FAM78B: variants seen among roughly 807,000 people sequenced by gnomAD.
FAM78B encodes the protein family with sequence similarity 78 member B.
A neutral mutation model predicts 20.0 loss-of-function variants in FAM78B; 10 were observed. The ratio of observed to expected loss-of-function variants is 0.50; its 90% CI spans 0.31 to 0.85. FAM78B has a LOEUF of 0.85. Ranked by LOEUF, FAM78B falls within the 40% of genes least tolerant of loss-of-function variation. The probability of loss-of-function intolerance (pLI) is 0.05; values close to 1 mark genes in which losing one functional copy is unlikely to be tolerated. For missense variants in FAM78B, 283 were observed against 345.0 expected (o/e 0.82, Z 1.42); for synonymous variants, 135 against 132.8 (o/e 1.02, Z -0.12).
chr1:166,119,485 G>A lies in FAM78B; in HGVS notation c.263+46501C>T, dbSNP rs573792517. On this transcript the variant is annotated intron_variant, in intron 1 of 1. Transcript: ENST00000354422. ...AATCTGAGGCCCACATCGGGCCTCC[G>A]CTTTCTGTGTGGGAGATTTCCCAGA... 8.5e-5 allele frequency among the ~76,000 whole-genome samples: 13 copies of A among 152,276 alleles called. No homozygotes were observed. In the South Asian group the frequency reaches 2.7e-3, roughly 32 times the overall value.
At chr1:166,165,423 G>C (rs905686781) in intron 1 of FAM78B, among the ~76,000 whole-genome samples, 1 of 152,132 alleles carries the variant, frequency 6.6e-6, no homozygotes, top group Non-Finnish European at 1.5e-5. Flanking sequence ...GTTCCAGACG[G>C]AAACGCCTCC....
exon 3 of FAM78B, chr1:166,059,201 T>A (rs1651474770): frequency 6.5e-6 from 1 of 152,726 alleles, no homozygotes; most frequent in Non-Finnish European, 1.5e-5. Flanking sequence ...GCAGGCTGGA[T>A]GCAGGAACCA....
rs745591964 is a variant in FAM78B at position 166,060,497 on chromosome 1, C to T, written c.*576G>A. 1.1e-4 allele frequency: 89 copies of T among 825,156 alleles called. 1 individual carries two copies. Among genetic ancestry groups the T allele is most frequent in the South Asian group, 7.5e-4 (54 of 71,684 alleles). 51.1% of individuals were successfully genotyped at this position (825,156 alleles called of 1,614,324 possible). On this transcript the variant is annotated 3_prime_UTR_variant and NMD_transcript_variant, in exon 3 of 3. Transcript: ENST00000435676. ...GAGGGTGGGTAGGAGGGACTGGTCACGGGACGGGAGGAAGGCGAGGAGGTA... is the reference window on the plus strand; with the variant it reads ...GAGGGTGGGTAGGAGGGACTGGTCATGGGACGGGAGGAAGGCGAGGAGGTA...
At chr1:166,117,303 G>A (rs1654297842) in intron 1 of FAM78B, among the ~76,000 whole-genome samples, 1 of 152,086 alleles carries the variant, frequency 6.6e-6, no homozygotes, top group Non-Finnish European at 1.5e-5. Flanking sequence ...GTTTGCTGTT[G>A]CTGTAAATAC....
At chr1:166,112,960 T>G (rs1654113348) in intron 1 of FAM78B, among the ~76,000 whole-genome samples, 1 of 152,218 alleles carries the variant, frequency 6.6e-6, no homozygotes. Context: ...CCACTTAAAG[T>G]GCATTGTTCA....
At chr1:166,155,335 A>G (rs1044111221) in intron 1 of FAM78B, among the ~76,000 whole-genome samples, 3 of 152,216 alleles carry the variant, frequency 2.0e-5, no homozygotes, top group Non-Finnish European at 4.4e-5. Flanking sequence ...GGCACTACTT[A>G]GCTGAGTAAT....
intron 1 of FAM78B, among the ~76,000 whole-genome samples, chr1:166,105,578 G>T (rs548335042): frequency 1.3e-3 from 195 of 152,244 alleles, no homozygotes; most frequent in Admixed American, 3.2e-3. Flanking sequence ...AAGAAGACAT[G>T]TATGCAGCCA....
downstream of FAM78B, among the ~76,000 whole-genome samples, chr1:166,067,299 C>T (rs1001548828): frequency 1.3e-5 from 2 of 152,116 alleles, no homozygotes; most frequent in African/African-American, 2.4e-5. Context: ...CCTTCGGGAT[C>T]ATGGACTAAA....
At chr1:166,151,408 G>A (rs1004015988) in intron 1 of FAM78B, among the ~76,000 whole-genome samples, 2 of 152,130 alleles carry the variant, frequency 1.3e-5, no homozygotes, top group Non-Finnish European at 2.9e-5. Flanking sequence ...ATGACCAGAC[G>A]TTTCAGGAAG....
intron 1 of FAM78B, among the ~76,000 whole-genome samples, chr1:166,093,601 AAG>A (rs1653161500): frequency 6.6e-6 from 1 of 152,206 alleles, no homozygotes; most frequent in Non-Finnish European, 1.5e-5. Flanking sequence ...TAAAGGCGCT[AAG>A]AGACTGAACC....
At chr1:166,113,009 T>C (rs1221970023) in intron 1 of FAM78B, among the ~76,000 whole-genome samples, 2 of 152,256 alleles carry the variant, frequency 1.3e-5, no homozygotes, top group Non-Finnish European at 2.9e-5. Flanking sequence ...TTAAAAAATC[T>C]GTTTTCTAAT....
At chr1:166,103,615 A>C (rs1418643396) in intron 1 of FAM78B, among the ~76,000 whole-genome samples, 1 of 152,202 alleles carries the variant, frequency 6.6e-6, no homozygotes, top group Non-Finnish European at 1.5e-5. Flanking sequence ...GAAATGGATA[A>C]ATTCCTCGAC....
At chr1:166,111,634 G>T (rs1206746566) in intron 1 of FAM78B, among the ~76,000 whole-genome samples, 1 of 152,168 alleles carries the variant, frequency 6.6e-6, no homozygotes, top group Non-Finnish European at 1.5e-5. Flanking sequence ...AACTCCCAAG[G>T]TCAAAGTCTA....
chr1:166,117,477 C>G (rs915178354), intron 1 of FAM78B, among the ~76,000 whole-genome samples: 14 of 152,082 alleles, frequency 9.2e-5, no homozygotes, highest in Admixed American at 1.3e-4. Context: ...ATTTCCTCAT[C>G]AGCAGAAGCT....
intron 1 of FAM78B, among the ~76,000 whole-genome samples, chr1:166,160,543 A>G (rs898318645): frequency 6.6e-6 from 1 of 152,248 alleles, no homozygotes; most frequent in African/African-American, 2.4e-5. Context: ...CACAGGACAA[A>G]TAACGCAAAA....
At chr1:166,076,653 A>G (rs554762287) in intron 1 of FAM78B, among the ~76,000 whole-genome samples, 11 of 152,288 alleles carry the variant, frequency 7.2e-5, no homozygotes, top group African/African-American at 2.6e-4. Context: ...AAGGATTTTT[A>G]TATATTTTAT....
At chr1:166,063,058 G>A (rs530093865) in intron 2 of FAM78B, among the ~76,000 whole-genome samples, 1 of 152,310 alleles carries the variant, frequency 6.6e-6, no homozygotes, top group Admixed American at 6.5e-5. Context: ...CCTGGGCCAG[G>A]AAGGCAATAT....
Position 166,070,628 on chromosome 1 carries a change from C to A in FAM78B, c.399G>T (p.Arg133Ser). 4 of 1,613,756 alleles carry A rather than the reference C, an allele frequency of 2.5e-6. No homozygotes were observed. Among genetic ancestry groups the A allele is most frequent in the Non-Finnish European group, 3.4e-6 (4 of 1,180,018 alleles). Residue 133 changes from arginine (R) to serine (S), a missense_variant, in exon 2 of 2, where the codon AGG (arginine) becomes AGT (serine). Transcript: ENST00000354422. Reference protein sequence around the residue: ...TLVGPTNKISRFSVSMNDNFY... With the variant: ...TLVGPTNKISSFSVSMNDNFY... ...AGTTGTCATTCATGCTGACGGAGAACCTGGAGATCTTGTTGGTGGGGCCAA... is the reference window on the plus strand; with the variant it reads ...AGTTGTCATTCATGCTGACGGAGAAACTGGAGATCTTGTTGGTGGGGCCAA...
rs554377516 is a variant in FAM78B, at chr1:166,079,095, C to T, written c.264-8332G>A. 7.9e-5 allele frequency among the ~76,000 whole-genome samples: 12 copies of T among 152,176 alleles called. No homozygotes were observed. The South Asian group carries it at 2.5e-3, about 32-fold the overall frequency. On this transcript the variant is annotated intron_variant, in intron 1 of 1. Transcript: ENST00000354422. Reference sequence around the variant, plus strand: ...TACAGGCATGCACCACCATGCCCAGCTAATTTTAAAACATTTTAAAAGAGA... The same window carrying T: ...TACAGGCATGCACCACCATGCCCAGTTAATTTTAAAACATTTTAAAAGAGA...
Sources: gnomAD v4.1 joint callset for allele counts (sites outside exome capture counted in the v4.1 genomes callset) on GRCh38, gnomAD v4.1.1 for gene constraint, MANE v1.5 for transcripts, NCBI Gene and HGNC (gene_info 2026-07-23, HGNC 2026-07-21) for gene names.